The following NRXN1 variants were observed in gnomAD, a reference collection of about 807,000 sequenced individuals.
NRXN1 encodes the protein neurexin-1.
NRXN1 carries 39 observed loss-of-function variants against 150.9 expected under a neutral mutation model. That is an observed-to-expected ratio of 0.26 (90% CI 0.20 to 0.34). The LOEUF (loss-of-function observed/expected upper bound fraction) is 0.34, where lower values mean the gene tolerates loss of function less well. Ranked by LOEUF, NRXN1 falls within the 10% of genes least tolerant of loss-of-function variation. The pLI, the probability that NRXN1 is intolerant of heterozygous loss-of-function variation, is 1.00. For missense variants in NRXN1, 1,815 were observed against 1,949.9 expected, an observed-to-expected ratio of 0.93 and a Z score of 1.30; for synonymous variants, 924 against 757.0, an observed-to-expected ratio of 1.22 and a Z score of -3.62.
Position 49,971,642 on chromosome 2 carries a change from C to T in NRXN1, c.4129-27851G>A, listed in dbSNP as rs546485706. Among the ~76,000 whole-genome samples the T allele has an allele frequency of 2.8e-4, 42 of 152,252 alleles. 1 individual carries two copies. Among genetic ancestry groups the T allele is most frequent in the Middle Eastern group, 3.4e-3 (1 of 294 alleles). On this transcript the variant is annotated intron_variant, in intron 21 of 22. Coordinates refer to ENST00000401669, the MANE Select transcript of NRXN1 (RefSeq NM_001330078.2). ...ATAATATAAATATCTGTCCAAAGAT[C>T]GGTCTGGAGACTCTTTCTAAAAATG...
At chr2:50,185,170 T>C (rs1473678325) in intron 18 of NRXN1, among the ~76,000 whole-genome samples, 1 of 152,094 alleles carries the variant, frequency 6.6e-6, no homozygotes, top group Non-Finnish European at 1.5e-5. Flanking sequence ...TTCAGAAATC[T>C]CTTAGAATTA....
intron 19 of NRXN1, among the ~76,000 whole-genome samples, chr2:50,071,259 A>G (rs1280708585): frequency 1.3e-5 from 2 of 152,190 alleles, no homozygotes; most frequent in Non-Finnish European, 2.9e-5. Flanking sequence ...GAAAATAAGC[A>G]GTTTGTTGGT....
intron 5 of NRXN1, among the ~76,000 whole-genome samples, chr2:50,726,984 C>T (rs1420238671): frequency 6.6e-6 from 1 of 151,950 alleles, no homozygotes. Flanking sequence ...CAGAAAGAGT[C>T]AGGCAAGAGG....
At chr2:50,991,826 T>C (rs989220350) in intron 2 of NRXN1, among the ~76,000 whole-genome samples, 3 of 152,052 alleles carry the variant, frequency 2.0e-5, no homozygotes, top group African/African-American at 7.2e-5. Flanking sequence ...TACAAGCTTT[T>C]TATTGTTAAC....
At chr2:50,041,241 A>T (rs1690895936) in intron 21 of NRXN1, among the ~76,000 whole-genome samples, 1 of 151,998 alleles carries the variant, frequency 6.6e-6, no homozygotes, top group Admixed American at 6.6e-5. Flanking sequence ...TGTCCCTCTA[A>T]TCTCTTCTTT....
chr2:50,200,790 T>C (rs1276608568), intron 18 of NRXN1, among the ~76,000 whole-genome samples: 2 of 152,192 alleles, frequency 1.3e-5, no homozygotes, highest in South Asian at 2.1e-4. Context: ...TTTAGAACAC[T>C]AAATTTAAAG....
chr2:50,360,599 C>A (rs1047501501), intron 17 of NRXN1, among the ~76,000 whole-genome samples: 2 of 152,072 alleles, frequency 1.3e-5, no homozygotes, highest in African/African-American at 4.8e-5. Context: ...ACAAGAGCAC[C>A]CAGATTTATA....
intron 5 of NRXN1, among the ~76,000 whole-genome samples, chr2:50,868,047 A>G (rs1677185906): frequency 6.7e-6 from 1 of 150,344 alleles, no homozygotes; most frequent in South Asian, 2.1e-4. Flanking sequence ...TTTTCCCCAA[A>G]CCGCAGAAAA....
intron 21 of NRXN1, among the ~76,000 whole-genome samples, chr2:50,010,300 T>G (rs1685446947): frequency 6.6e-6 from 1 of 152,150 alleles, no homozygotes; most frequent in African/African-American, 2.4e-5. Context: ...TGTCCCATCA[T>G]GGAAATACTG....
intron 17 of NRXN1, among the ~76,000 whole-genome samples, chr2:50,462,335 A>G (rs530085033): frequency 4.0e-5 from 6 of 151,860 alleles, no homozygotes; most frequent in African/African-American, 1.2e-4. Context: ...GCCAGAGGAG[A>G]AAAAAAATAT....
At chr2:50,026,591 T>C (rs1268300213) in intron 21 of NRXN1, among the ~76,000 whole-genome samples, 1 of 152,136 alleles carries the variant, frequency 6.6e-6, no homozygotes, top group Non-Finnish European at 1.5e-5. Flanking sequence ...TTCTGAGCTG[T>C]TGGGAGAATT....
intron 17 of NRXN1, among the ~76,000 whole-genome samples, chr2:50,388,246 T>C (rs183123235): frequency 4.8e-4 from 73 of 152,316 alleles, no homozygotes; most frequent in Non-Finnish European, 1.0e-4. Flanking sequence ...TACCATGTAC[T>C]TGAATTGTCC....
chr2:50,871,084 T>A (rs553682185), intron 5 of NRXN1, among the ~76,000 whole-genome samples: 18 of 152,016 alleles, frequency 1.2e-4, no homozygotes, highest in Admixed American at 7.9e-4. Flanking sequence ...ATAGGATAAA[T>A]CTTTGTTAAT....
chr2:50,575,521 T>C (rs967747053), intron 8 of NRXN1, among the ~76,000 whole-genome samples: 1 of 152,210 alleles, frequency 6.6e-6, no homozygotes, highest in Non-Finnish European at 1.5e-5. Flanking sequence ...TGTATTGCTA[T>C]AGTTATGTGT....
intron 18 of NRXN1, among the ~76,000 whole-genome samples, chr2:50,138,219 T>C (rs1302886980): frequency 1.3e-5 from 2 of 152,194 alleles, no homozygotes; most frequent in Admixed American, 1.3e-4. Context: ...ATAAATTCAG[T>C]TGGAATTTTT....
At chr2:50,831,674 G>C (rs944768947) in intron 5 of NRXN1, among the ~76,000 whole-genome samples, 7 of 152,164 alleles carry the variant, frequency 4.6e-5, no homozygotes, top group African/African-American at 1.7e-4. Context: ...TCTAAAACTT[G>C]TTTTTAAAAC....
chr2:50,003,660 C>T (rs544230937), intron 21 of NRXN1, among the ~76,000 whole-genome samples: 4 of 152,220 alleles, frequency 2.6e-5, no homozygotes, highest in South Asian at 2.1e-4. Context: ...TAACTAAAGT[C>T]GGTTATAAAT....
chr2:50,172,902 GGTTACA>G (rs2060117392), intron 18 of NRXN1, among the ~76,000 whole-genome samples: 1 of 152,174 alleles, frequency 6.6e-6, no homozygotes, highest in Admixed American at 6.5e-5. Flanking sequence ...GGGAGGTGGA[GGTTACA>G]GTGAGCTGAG....
intron 19 of NRXN1, among the ~76,000 whole-genome samples, chr2:50,076,119 G>A (rs932007634): frequency 1.3e-5 from 2 of 152,180 alleles, no homozygotes; most frequent in African/African-American, 2.4e-5. Context: ...TTTGAACTAT[G>A]TCTTTCTTAG....
Sources: allele counts gnomAD v4.1 joint callset (sites outside exome capture counted in the v4.1 genomes callset), GRCh38; gene constraint gnomAD v4.1.1; transcripts MANE v1.5; gene names NCBI Gene and HGNC (gene_info 2026-07-23, HGNC 2026-07-21).